The following ATRNL1 variants were observed in gnomAD, a reference collection of about 807,000 sequenced individuals.
The protein encoded by ATRNL1 is attractin like 1.
In ATRNL1, 95 loss-of-function variants were observed where a neutral mutation model predicts 182.7. That is an observed-to-expected ratio of 0.52 (90% CI 0.44 to 0.62). ATRNL1 has a LOEUF of 0.62. Among genes scored for constraint, ATRNL1 ranks in the 20% least tolerant of loss-of-function variants. The pLI, the probability that ATRNL1 is intolerant of heterozygous loss-of-function variation, is 0.00. For synonymous variants in ATRNL1, 576 were observed against 568.3 expected, an observed-to-expected ratio of 1.01 and a Z score of -0.19; for missense variants, 1,471 against 1,679.5, an observed-to-expected ratio of 0.88 and a Z score of 2.17.
At chr10:115,836,227 C>A (rs150000126) in intron 27 of ATRNL1, among the ~76,000 whole-genome samples, 2,506 of 152,256 alleles carry the variant, frequency 0.016, 84 homozygotes, top group African/African-American at 0.058. Context: ...TTCTCAAGTG[C>A]AAGTGACTTG....
At chr10:115,273,117 G>T (rs985275618) in intron 13 of ATRNL1, among the ~76,000 whole-genome samples, 4 of 152,114 alleles carry the variant, frequency 2.6e-5, no homozygotes, top group Admixed American at 1.3e-4. Context: ...CTCAGTGTTG[G>T]TTTCTGCTAC....
chr10:115,286,215 G>T lies in ATRNL1; in HGVS notation c.2234-1G>T, dbSNP rs1554918804. 4.0e-6 allele frequency: 6 copies of T among 1,505,566 alleles called. No homozygotes were observed. Among genetic ancestry groups the T allele is most frequent in the Admixed American group, 3.8e-5 (2 of 52,104 alleles). The allele number at this position is 1,505,566 out of a possible 1,614,324, so 93.3% of individuals were successfully genotyped here. A position where few individuals can be genotyped will look rare whatever the true frequency, so the allele number is the denominator to read the frequency against. On this transcript the variant is annotated splice_acceptor_variant, in intron 14 of 28. Transcript: ENST00000355044. LOFTEE classifies it high-confidence loss of function. The stretch of plus-strand genomic sequence containing the variant: ...ATAAGACACATTTTTTTTCTTACTA[G>T]CTCATCTTTGTGGAGAAGGATGGAG...
chr10:115,253,980 G>A (rs1359325690), intron 10 of ATRNL1, among the ~76,000 whole-genome samples: 3 of 152,034 alleles, frequency 2.0e-5, no homozygotes, highest in Admixed American at 2.0e-4. Context: ...CTTTTTTATG[G>A]CTGCATAGTA....
At chr10:115,550,589 C>T (rs1030110950) in intron 26 of ATRNL1, among the ~76,000 whole-genome samples, 1 of 151,744 alleles carries the variant, frequency 6.6e-6, no homozygotes, top group Non-Finnish European at 1.5e-5. Flanking sequence ...CTCTGATTTT[C>T]TGTTTATGGC....
chr10:115,815,404 G>GGTGTGTGTGTGT (rs1213640346), intron 27 of ATRNL1, among the ~76,000 whole-genome samples: 1 of 97,956 alleles, frequency 1.0e-5, no homozygotes, highest in African/African-American at 3.4e-5. Context: ...ACTGGTATGT[G>GGTGTGTGTGTGT]GTGTGTGTGT....
chr10:115,555,096 A>G (rs922090968), intron 26 of ATRNL1, among the ~76,000 whole-genome samples: 2 of 151,736 alleles, frequency 1.3e-5, no homozygotes, highest in Non-Finnish European at 3.0e-5. Flanking sequence ...AGTGTTCTGT[A>G]TTCTTATTTG....
intron 21 of ATRNL1, among the ~76,000 whole-genome samples, chr10:115,439,471 A>G (rs1846561781): frequency 6.6e-6 from 1 of 151,976 alleles, no homozygotes; most frequent in African/African-American, 2.4e-5. Flanking sequence ...ATAAATAAAA[A>G]TAAAAATAAA....
chr10:115,643,997 A>C (rs781996582), intron 26 of ATRNL1, among the ~76,000 whole-genome samples: 3 of 152,178 alleles, frequency 2.0e-5, no homozygotes, highest in Non-Finnish European at 4.4e-5. Context: ...TTAGGTGCAC[A>C]CAAAAGCTGT....
chr10:115,190,690 C>T (rs1336687234), intron 8 of ATRNL1, among the ~76,000 whole-genome samples: 1 of 151,922 alleles, frequency 6.6e-6, no homozygotes, highest in Non-Finnish European at 1.5e-5. Flanking sequence ...TCACTTCAAG[C>T]CTTTATTATT....
At chr10:115,249,296 A>C (rs944607717) in intron 10 of ATRNL1, among the ~76,000 whole-genome samples, 2 of 152,050 alleles carry the variant, frequency 1.3e-5, no homozygotes. Context: ...GCCTGGCCAA[A>C]AGATTTTTTA....
intron 21 of ATRNL1, among the ~76,000 whole-genome samples, chr10:115,435,065 C>T (rs989723033): frequency 1.0e-4 from 14 of 139,788 alleles, no homozygotes; most frequent in Non-Finnish European, 1.8e-4. Context: ...GAGTCTTGCT[C>T]TGTCGCCCAG....
rs148015749 is a variant in ATRNL1, at chr10:115,922,246, A to G, written c.4019-22412A>G. On this transcript the variant is annotated intron_variant, in intron 28 of 28. Transcript: ENST00000355044. ...ATACTTGTCTTTTAGGAAAACTATCATTTGTCAACAGGGATCTGTATGTTT... is the reference window on the plus strand; with the variant it reads ...ATACTTGTCTTTTAGGAAAACTATCGTTTGTCAACAGGGATCTGTATGTTT... Among the ~76,000 whole-genome samples the G allele has an allele frequency of 4.5e-4, 69 of 152,286 alleles. No individual in the cohort carries two copies. In the East Asian group the frequency reaches 0.011, roughly 24 times the overall value.
At chr10:115,620,480 C>T (rs1054862644) in intron 26 of ATRNL1, among the ~76,000 whole-genome samples, 2 of 152,086 alleles carry the variant, frequency 1.3e-5, no homozygotes, top group South Asian at 2.1e-4. Flanking sequence ...AATTTTATGC[C>T]CTTAAACCAT....
At chr10:115,638,603 A>G (rs1859041397) in intron 26 of ATRNL1, among the ~76,000 whole-genome samples, 1 of 152,182 alleles carries the variant, frequency 6.6e-6, no homozygotes, top group Non-Finnish European at 1.5e-5. Flanking sequence ...AGGAAAACCA[A>G]AACATTATGG....
At chr10:115,275,205 G>A (rs1294837309) in intron 13 of ATRNL1, among the ~76,000 whole-genome samples, 1 of 152,098 alleles carries the variant, frequency 6.6e-6, no homozygotes, top group Non-Finnish European at 1.5e-5. Flanking sequence ...TTCCAATTAT[G>A]CATTCTGGAA....
At chr10:115,243,709 T>C (rs1564846106) in intron 10 of ATRNL1, among the ~76,000 whole-genome samples, 3 of 152,036 alleles carry the variant, frequency 2.0e-5, no homozygotes, top group South Asian at 2.1e-4. Context: ...TAGAAGAAAA[T>C]ATGAGTTCCA....
intron 9 of ATRNL1, among the ~76,000 whole-genome samples, chr10:115,238,165 G>A (rs1275966681): frequency 1.3e-5 from 2 of 152,100 alleles, no homozygotes; most frequent in African/African-American, 2.4e-5. Flanking sequence ...CCCAAAGCCA[G>A]GTGATGTCAA....
chr10:115,789,384 T>C (rs1408325280), intron 27 of ATRNL1, among the ~76,000 whole-genome samples: 1 of 152,038 alleles, frequency 6.6e-6, no homozygotes, highest in East Asian at 1.9e-4. Context: ...TCAAGAAAAA[T>C]GAAAAAGCCT....
chr10:115,435,584 C>A (rs1451424281), intron 21 of ATRNL1, among the ~76,000 whole-genome samples: 1 of 152,150 alleles, frequency 6.6e-6, no homozygotes, highest in East Asian at 1.9e-4. Flanking sequence ...TATGGCAAGT[C>A]ATTTTATTTG....
Sources: allele counts gnomAD v4.1 joint callset (sites outside exome capture counted in the v4.1 genomes callset), GRCh38; gene constraint gnomAD v4.1.1; transcripts MANE v1.5; gene names NCBI Gene and HGNC (gene_info 2026-07-23, HGNC 2026-07-21).